LIPH: variants seen among roughly 807,000 people sequenced by gnomAD.
LIPH encodes lipase member H.
A neutral mutation model predicts 47.6 loss-of-function variants in LIPH; 32 were observed. The ratio of observed to expected loss-of-function variants is 0.67; its 90% CI spans 0.51 to 0.90. LIPH has a LOEUF of 0.90. LIPH is among the 40% of genes least tolerant of loss of function. The pLI is 0.00. For missense variants in LIPH, 497 were observed against 541.4 expected (o/e 0.92, Z 0.81); for synonymous variants, 190 against 195.6 (o/e 0.97, Z 0.24).
intron 1 of LIPH, among the ~76,000 whole-genome samples, chr3:185,536,626 T>C (rs1368632552): frequency 6.6e-6 from 1 of 151,910 alleles, no homozygotes; most frequent in Non-Finnish European, 1.5e-5. Context: ...TACTCAGGAG[T>C]GAGTGAAGTT....
chr3:185,521,256 T>G (rs7630792), intron 5 of LIPH, among the ~76,000 whole-genome samples: 148,945 of 152,294 alleles, frequency 0.98, 72,922 homozygotes, highest in East Asian at 1. Flanking sequence ...CATGGTAGTT[T>G]AACTATTATG....
chr3:185,538,822 CATATACAT>C (rs1372536783), intron 1 of LIPH, among the ~76,000 whole-genome samples: 16 of 12,168 alleles, frequency 1.3e-3, no homozygotes, highest in East Asian at 3.4e-3. Flanking sequence ...TATATACACA[CATATACAT>C]ATATACATAT....
chr3:185,544,709 A>G (rs1323168188), intron 1 of LIPH, among the ~76,000 whole-genome samples: 3 of 152,098 alleles, frequency 2.0e-5, no homozygotes, highest in Non-Finnish European at 4.4e-5. Flanking sequence ...TACCTGAAGC[A>G]TTATTTCCTT....
At chr3:185,517,660 C>T (rs984636101) in intron 6 of LIPH, among the ~76,000 whole-genome samples, 1 of 152,014 alleles carries the variant, frequency 6.6e-6, no homozygotes, top group Non-Finnish European at 1.5e-5. Flanking sequence ...GTCCAGAGGG[C>T]CCTCTTTCTC....
chr3:185,534,451 A>G (rs1415010921), intron 2 of LIPH, among the ~76,000 whole-genome samples: 1 of 152,142 alleles, frequency 6.6e-6, no homozygotes, highest in African/African-American at 2.4e-5. Flanking sequence ...ATTGTGAGCT[A>G]GAAAAAAATG....
intron 1 of LIPH, among the ~76,000 whole-genome samples, chr3:185,549,292 TTTTCTC>T (rs1720982442): frequency 1.3e-5 from 2 of 152,240 alleles, no homozygotes; most frequent in South Asian, 4.1e-4. Context: ...AGATGCCAGA[TTTTCTC>T]ATTCTCATTT....
At position 185,506,967 on chromosome 3, in the gene LIPH, A is replaced by C. The variant is rs1225722838; in HGVS notation, c.*1823T>G. The C allele has an allele frequency of 6.6e-6, 1 of 152,112 alleles. No individual in the cohort carries two copies. The highest frequency in any genetic ancestry group is 1.5e-5 in the Non-Finnish European group (1 of 68,034). 9.4% of individuals were successfully genotyped at this position (152,112 alleles called of 1,614,324 possible). ...CAAGAGCTTGTTCCACTCAGAGTTC[A>C]GTCATCCCTCACTTAAATAAAACAG... On this transcript the variant is annotated 3_prime_UTR_variant, in exon 10 of 10. Coordinates refer to ENST00000296252, the MANE Select transcript of LIPH (RefSeq NM_139248.3).
In LIPH at chr3:185,538,960, T is replaced by C. The variant is rs909933289; in HGVS notation, c.50-3828A>G. On this transcript the variant is annotated intron_variant, in intron 1 of 9. Transcript: ENST00000296252. ...ACATATATATACATATATATACACA[T>C]ATATATATTTTTTTTTATTTTATTT... Among the ~76,000 whole-genome samples the C allele has an allele frequency of 6.1e-5, 9 of 148,160 alleles. No homozygotes were observed. In the South Asian group the frequency reaches 6.3e-4, roughly 10 times the overall value.
At chr3:185,548,362 G>A (rs111751629) in intron 1 of LIPH, among the ~76,000 whole-genome samples, 35 of 151,116 alleles carry the variant, frequency 2.3e-4, no homozygotes, top group Admixed American at 1.3e-3. Flanking sequence ...CCAAGATCGC[G>A]CCACTGCACT....
chr3:185,517,371 C>A (rs1257507695), intron 6 of LIPH, among the ~76,000 whole-genome samples: 1 of 152,150 alleles, frequency 6.6e-6, no homozygotes, highest in Non-Finnish European at 1.5e-5. Flanking sequence ...CAGGACCCTC[C>A]AGTTGTTTTC....
intron 3 of LIPH, among the ~76,000 whole-genome samples, chr3:185,529,962 GAA>G (rs1720273290): frequency 1.7e-5 from 1 of 57,404 alleles, no homozygotes; most frequent in South Asian, 6.2e-4. Context: ...AAGAAAGAAA[GAA>G]GGAAAGAAAG....
intron 8 of LIPH, among the ~76,000 whole-genome samples, chr3:185,512,661 G>C (rs1278153149): frequency 6.6e-6 from 1 of 151,582 alleles, no homozygotes; most frequent in Non-Finnish European, 1.5e-5. Flanking sequence ...GCTAATTTTT[G>C]TATTTTTAAT....
intron 5 of LIPH, among the ~76,000 whole-genome samples, 186 bp downstream of exon 5, chr3:185,523,885 G>T (rs764836088): frequency 6.6e-6 from 1 of 151,668 alleles, no homozygotes; most frequent in Non-Finnish European, 1.5e-5. Context: ...ACCACACCTG[G>T]ATAATTTTTT....
chr3:185,542,323 CTT>C (rs113312470), intron 1 of LIPH, among the ~76,000 whole-genome samples: 1 of 145,170 alleles, frequency 6.9e-6, no homozygotes. Context: ...TTTCTTTTTT[CTT>C]TTTTTTTTTG....
intron 4 of LIPH, among the ~76,000 whole-genome samples, chr3:185,524,592 G>A (rs1470779491): frequency 2.0e-5 from 3 of 151,914 alleles, no homozygotes; most frequent in African/African-American, 4.8e-5. Flanking sequence ...TGGAATTACA[G>A]GCATGTGCCA....
intron 1 of LIPH, among the ~76,000 whole-genome samples, chr3:185,538,188 A>C (rs1463736243): frequency 6.6e-6 from 1 of 152,180 alleles, no homozygotes; most frequent in African/African-American, 2.4e-5. Context: ...TGAGTGAAAT[A>C]GATTTCCTTG....
At chr3:185,524,267 C>A in intron 4 of LIPH, 107 bp from the exon 5 acceptor site, 1 of 735,378 alleles carries the variant, frequency 1.4e-6, no homozygotes, top group South Asian at 1.5e-5. Context: ...TGTTGTTTAT[C>A]ATTATTGTTA....
intron 9 of LIPH, 152 bp downstream of exon 9, chr3:185,511,372 C>G (rs999447589): frequency 2.6e-6 from 2 of 770,398 alleles, no homozygotes; most frequent in Admixed American, 4.0e-5. Flanking sequence ...GCCTGGGCTA[C>G]TTGTTTATAA....
chr3:185,526,602 AAATAAAAAATAAAATAAT>A (rs1193244227), intron 4 of LIPH, among the ~76,000 whole-genome samples: 27 of 128,274 alleles, frequency 2.1e-4, no homozygotes, highest in East Asian at 1.1e-3. Flanking sequence ...AAATAAAATA[AAATAAAAAATAAAATAAT>A]AAAATAAAAT....
Sources: allele counts gnomAD v4.1 joint callset (sites outside exome capture counted in the v4.1 genomes callset), GRCh38; gene constraint gnomAD v4.1.1; transcripts MANE v1.5; gene names NCBI Gene and HGNC (gene_info 2026-07-23, HGNC 2026-07-21).